Variants in CCDC33 observed in about 807,000 individuals in gnomAD.
CCDC33 encodes the protein coiled-coil domain containing 33.
CCDC33 carries 94 observed loss-of-function variants against 91.9 expected under a neutral mutation model. The ratio of observed to expected loss-of-function variants is 1.02; its 90% CI spans 0.87 to 1.21. The LOEUF (loss-of-function observed/expected upper bound fraction) is 1.21. Ranked by LOEUF, CCDC33 falls within the 50% of genes most tolerant of loss-of-function variation. CCDC33 has a pLI of 0.00. For synonymous variants in CCDC33, 396 were observed against 374.5 expected (o/e 1.06, Z -0.66); for missense variants, 940 against 935.5 (o/e 1.00, Z -0.06).
chr15:74,238,820 C>T (rs2075260113), intron 1 of CCDC33, among the ~76,000 whole-genome samples: 1 of 152,172 alleles, frequency 6.6e-6, no homozygotes, highest in Admixed American at 6.5e-5. Context: ...TCCAAGGAAG[C>T]ATGGTTAGAG....
chr15:74,252,721 G>A (rs1209958367), intron 2 of CCDC33, among the ~76,000 whole-genome samples: 2 of 152,086 alleles, frequency 1.3e-5, no homozygotes, highest in African/African-American at 2.4e-5. Context: ...ATCCCCATGG[G>A]AAAAAAGACA....
At position 74,218,449 on chromosome 15, in the gene CCDC33, T is replaced by TG. The variant is rs1305081844; in HGVS notation, c.311-47dup. 1 of 1,234,674 alleles carries TG rather than the reference T, an allele frequency of 8.1e-7. No individual in the cohort carries two copies. The highest frequency in any genetic ancestry group is 1.5e-5 in the African/African-American group (1 of 64,720). The allele number at this position is 1,234,674 out of a possible 1,614,324, so 76.5% of individuals were successfully genotyped here. On this transcript the variant is annotated intron_variant, in intron 1 of 2. Transcript: ENST00000635913. The surrounding 1 kb of genome is among the most constrained non-coding windows in gnomAD (Gnocchi z 4.8). ...CCTGTCCTCCTAGTCACCTGGCAGA[T>TG]GCAGAGAAACCTGAGACCATCTCTG...
At chr15:74,330,867 A>G in intron 13 of CCDC33, 114 bp from the exon 14 acceptor site, 1 of 1,514,524 alleles carries the variant, frequency 6.6e-7, no homozygotes, top group African/African-American at 1.4e-5. Context: ...AGCACGGAAG[A>G]AAGGGGGACC....
chr15:74,306,325 CTCCCACCCCAGGCAGTGCACACTT>C, intron 11 of CCDC33, among the ~76,000 whole-genome samples: 1 of 152,340 alleles, frequency 6.6e-6, no homozygotes, highest in East Asian at 1.9e-4. Context: ...CCCCCATCAA[CTCCCACCCCAGGCAGTGCACACTT>C]TCTACAGAAT....
chr15:74,216,296 G>T (rs923382428), upstream of CCDC33, among the ~76,000 whole-genome samples: 1 of 151,808 alleles, frequency 6.6e-6, no homozygotes, highest in African/African-American at 2.4e-5. Context: ...TTCCCGACAT[G>T]AATTATAGAA....
At position 74,238,206 on chromosome 15, in the gene CCDC33, G is replaced by A. The variant is rs1017493203; in HGVS notation, c.21+1466G>A. Among the ~76,000 whole-genome samples the A allele has an allele frequency of 3.3e-5, 5 of 151,966 alleles. No homozygotes were observed. The East Asian group carries it at 5.8e-4, about 18-fold the overall frequency. On this transcript the variant is annotated intron_variant, in intron 1 of 18. Transcript: ENST00000398814. ...CTTTGGGAGGCCAAGGCAGAAGTTC[G>A]AGACCAGTCTGGCCAACATGGTGAA...
chr15:74,313,037 A>G (rs2060021405), intron 11 of CCDC33, among the ~76,000 whole-genome samples: 1 of 152,212 alleles, frequency 6.6e-6, no homozygotes, highest in Non-Finnish European at 1.5e-5. Flanking sequence ...TGGCTCCCAT[A>G]GCCTGAGCTT....
chr15:74,233,273 C>T (rs1325432245), upstream of CCDC33, among the ~76,000 whole-genome samples: 2 of 152,198 alleles, frequency 1.3e-5, no homozygotes, highest in African/African-American at 4.8e-5. Flanking sequence ...CCCTGCCCCT[C>T]CTTTGATTAT....
chr15:74,226,136 G>A (rs1160346859), intron 2 of CCDC33, among the ~76,000 whole-genome samples: 3 of 152,230 alleles, frequency 2.0e-5, no homozygotes, highest in Non-Finnish European at 1.5e-5. Context: ...GGAGCTGCCA[G>A]GCTGGGCAGG....
chr15:74,291,343 G>T (rs1008409628), intron 10 of CCDC33, among the ~76,000 whole-genome samples: 4 of 152,252 alleles, frequency 2.6e-5, no homozygotes, highest in Non-Finnish European at 5.9e-5. Flanking sequence ...GCTCATTATG[G>T]CGCTTGCCAG....
At chr15:74,315,886 A>AC (rs1395220477) in intron 11 of CCDC33, among the ~76,000 whole-genome samples, 1 of 152,010 alleles carries the variant, frequency 6.6e-6, no homozygotes, top group South Asian at 2.1e-4. Flanking sequence ...AGGGACCTTG[A>AC]CCGCCAAGCT....
intron 11 of CCDC33, chr15:74,300,215 C>A (rs2059765765): frequency 6.6e-6 from 1 of 152,280 alleles, no homozygotes; most frequent in South Asian, 2.1e-4. Flanking sequence ...GACAAGCAAT[C>A]GAACGTGGCC....
chr15:74,244,083 C>G lies in CCDC33; in HGVS notation c.120C>G (p.Thr40=). The G allele has an allele frequency of 2.5e-6, 4 of 1,614,108 alleles. No individual in the cohort carries two copies. The highest frequency in any genetic ancestry group is 3.4e-6 in the Non-Finnish European group (4 of 1,179,974). Residue 40 remains threonine, a synonymous_variant, in exon 2 of 19, where the codon ACC becomes ACG. Coordinates refer to ENST00000398814, the MANE Select transcript of CCDC33 (RefSeq NM_025055.5). The surrounding 1 kb of genome is among the most constrained non-coding windows in gnomAD (Gnocchi z 4.2). The part of the protein sequence containing the change: ...SPSKKETIMV[T]LHGATNLPAC... ...CTAAGAAGGAGACCATCATGGTCAC[C>G]CTCCATGGGGCTACCAACCTGCCTG...
chr15:74,241,391 C>G (rs995635492), intron 1 of CCDC33, among the ~76,000 whole-genome samples: 3 of 152,198 alleles, frequency 2.0e-5, no homozygotes, highest in Non-Finnish European at 4.4e-5. Context: ...GAGTGACACC[C>G]AGGGTGGAGC....
At chr15:74,295,700 A>G in intron 10 of CCDC33, 54 bp from the exon 11 acceptor site, 1 of 1,469,092 alleles carries the variant, frequency 6.8e-7, no homozygotes. Context: ...CTTATGGTAG[A>G]TGGGCACAGA....
intron 11 of CCDC33, among the ~76,000 whole-genome samples, chr15:74,314,304 A>G (rs920765959): frequency 1.3e-5 from 2 of 152,220 alleles, no homozygotes; most frequent in African/African-American, 4.8e-5. Flanking sequence ...CTGTGTCTCC[A>G]GTGCCCACCA....
At chr15:74,328,152 G>T (rs1262140844) in intron 11 of CCDC33, among the ~76,000 whole-genome samples, 2 of 152,216 alleles carry the variant, frequency 1.3e-5, no homozygotes, top group East Asian at 3.9e-4. Context: ...AATATCGTGT[G>T]CTTCCTTTGG....
chr15:74,333,337 G>T (rs2060482961), intron 16 of CCDC33: 14 of 1,546,406 alleles, frequency 9.1e-6, no homozygotes, highest in East Asian at 2.4e-5. Flanking sequence ...GTGGCCCAGG[G>T]CCCAGAAATG....
intron 1 of CCDC33, among the ~76,000 whole-genome samples, chr15:74,206,764 A>G (rs1488454622): frequency 6.6e-6 from 1 of 152,262 alleles, no homozygotes; most frequent in Non-Finnish European, 1.5e-5. Context: ...CACGTGTCTC[A>G]GGAGTGCCAA....
Sources: allele counts gnomAD v4.1 joint callset (sites outside exome capture counted in the v4.1 genomes callset), GRCh38; gene constraint gnomAD v4.1.1; non-coding constraint Gnocchi (gnomAD v3.1); transcripts MANE v1.5; gene names NCBI Gene and HGNC (gene_info 2026-07-23, HGNC 2026-07-21).